NPAS2: variants seen among roughly 807,000 people sequenced by gnomAD.
The protein encoded by NPAS2 is neuronal PAS domain-containing protein 2.
A neutral mutation model predicts 107.5 loss-of-function variants in NPAS2; 23 were observed. The observed-to-expected ratio is 0.21, with a 90% CI of 0.15 to 0.30. NPAS2 has a LOEUF of 0.30. NPAS2 is among the 10% of genes least tolerant of loss of function. The pLI, the probability that NPAS2 is intolerant of heterozygous loss-of-function variation, is 1.00. For synonymous variants in NPAS2, 403 were observed against 417.5 expected (o/e 0.97, Z 0.42); for missense variants, 756 against 1,043.3 (o/e 0.72, Z 3.79).
chr2:100,828,324 G>A (rs773019537), intron 1 of NPAS2, among the ~76,000 whole-genome samples: 5 of 152,064 alleles, frequency 3.3e-5, no homozygotes, highest in Non-Finnish European at 5.9e-5. Context: ...TGAATGAATA[G>A]TTTGTAAATA....
At chr2:100,906,936 A>G (rs1305095607) in intron 2 of NPAS2, among the ~76,000 whole-genome samples, 1 of 152,226 alleles carries the variant, frequency 6.6e-6, no homozygotes, top group Non-Finnish European at 1.5e-5. Flanking sequence ...GAACTTCAAT[A>G]CAGACTTCTT....
At chr2:100,868,298 C>T (rs1679371993) in intron 1 of NPAS2, among the ~76,000 whole-genome samples, 2 of 152,298 alleles carry the variant, frequency 1.3e-5, no homozygotes, top group Non-Finnish European at 2.9e-5. Flanking sequence ...TCTCTCAGCA[C>T]ATTGAAGGGA....
intron 1 of NPAS2, among the ~76,000 whole-genome samples, chr2:100,888,980 C>G (rs1420736840): frequency 6.6e-6 from 1 of 152,198 alleles, no homozygotes; most frequent in Non-Finnish European, 1.5e-5. Context: ...CTTCTCTTTT[C>G]TCTTGCAGTT....
At position 100,965,450 on chromosome 2, in the gene NPAS2, A is replaced by G. The variant is rs766141192; in HGVS notation, c.801-210A>G. 7.2e-6 allele frequency among the ~76,000 whole-genome samples: 1 copy of G among 138,074 alleles called. No homozygotes were observed. The highest frequency in any genetic ancestry group is 1.5e-5 in the Non-Finnish European group (1 of 65,530). The allele number at this position is 138,074 out of a possible 152,430, so 90.6% of individuals were successfully genotyped here. A position where few individuals can be genotyped will look rare whatever the true frequency, so the allele number is the denominator to read the frequency against. ...TTGTTATTTGGGCCAAGTTATGCCA[A>G]GGGAAAGGAGTATCTATATGCCAAA... is the stretch of plus-strand genomic sequence containing the variant. On this transcript the variant is annotated intron_variant, in intron 9 of 20. Transcript: ENST00000335681. This position sits in a 1 kb window ranked among gnomAD's most constrained non-coding sequence, Gnocchi z 4.3.
At chr2:100,939,316 C>T (rs1674434835) in intron 5 of NPAS2, among the ~76,000 whole-genome samples, 1 of 152,186 alleles carries the variant, frequency 6.6e-6, no homozygotes, top group Non-Finnish European at 1.5e-5. Flanking sequence ...ATCTGTCTCC[C>T]CTTTGTGTTC....
intron 4 of NPAS2, chr2:100,935,162 A>T: frequency 1.1e-6 from 1 of 922,118 alleles, no homozygotes; most frequent in Non-Finnish European, 1.3e-6. Flanking sequence ...GACTGTGGCT[A>T]CCAGCATTGG....
intron 12 of NPAS2, among the ~76,000 whole-genome samples, chr2:100,973,139 A>C (rs1676709689): frequency 6.6e-6 from 1 of 151,922 alleles, no homozygotes; most frequent in African/African-American, 2.4e-5. Context: ...AGATTGCGCC[A>C]TTGCACTCCA....
At chr2:100,929,848 G>A (rs906523575) in intron 3 of NPAS2, among the ~76,000 whole-genome samples, 1 of 152,164 alleles carries the variant, frequency 6.6e-6, no homozygotes, top group Admixed American at 6.5e-5. Context: ...GCTAAAGGGA[G>A]ATCACATGAT....
At chr2:100,959,416 G>A (rs1044367193) in intron 7 of NPAS2, among the ~76,000 whole-genome samples, 1 of 152,210 alleles carries the variant, frequency 6.6e-6, no homozygotes. Context: ...GGTAGGCAGT[G>A]CCCCTGCCAA....
intron 5 of NPAS2, among the ~76,000 whole-genome samples, chr2:100,941,970 T>C (rs1674601302): frequency 6.6e-6 from 1 of 152,172 alleles, no homozygotes; most frequent in African/African-American, 2.4e-5. Context: ...ACATTTGCCA[T>C]GTGCCTAAGT....
intron 2 of NPAS2, among the ~76,000 whole-genome samples, chr2:100,910,852 T>C (rs983420517): frequency 5.9e-5 from 9 of 152,126 alleles, no homozygotes; most frequent in Non-Finnish European, 1.3e-4. Flanking sequence ...TACACCAAAC[T>C]TCTTGAGACT....
At chr2:100,936,979 C>CA (rs34968729) in intron 4 of NPAS2, among the ~76,000 whole-genome samples, 13,461 of 73,946 alleles carry the variant, frequency 0.18, 1,259 homozygotes, top group East Asian at 0.36. Context: ...GACTCCATCT[C>CA]AAAAAAAAAA....
chr2:100,859,999 TCAAAA>T (rs1678835868), intron 1 of NPAS2, among the ~76,000 whole-genome samples: 1 of 152,192 alleles, frequency 6.6e-6, no homozygotes, highest in Admixed American at 6.5e-5. Flanking sequence ...GATTCAGTCA[TCAAAA>T]GAAGGCAATT....
At chr2:100,933,103 C>A in intron 4 of NPAS2, 102 bp downstream of exon 4, 1 of 828,738 alleles carries the variant, frequency 1.2e-6, no homozygotes, top group African/African-American at 1.7e-5. Context: ...GTTCTTGATC[C>A]TGGGAAGACT....
intron 2 of NPAS2, among the ~76,000 whole-genome samples, chr2:100,905,541 G>T (rs987576441): frequency 1.3e-5 from 2 of 152,064 alleles, no homozygotes; most frequent in African/African-American, 4.8e-5. Flanking sequence ...AAAAAAACGT[G>T]AGCAGGAAGC....
At chr2:100,931,185 G>A (rs933197869) in intron 3 of NPAS2, among the ~76,000 whole-genome samples, 2 of 152,212 alleles carry the variant, frequency 1.3e-5, no homozygotes, top group Middle Eastern at 3.4e-3. Context: ...CCCACAGCGC[G>A]GCCCTCCCTC....
At chr2:100,883,739 C>T (rs56276198) in intron 1 of NPAS2, among the ~76,000 whole-genome samples, 4,710 of 152,164 alleles carry the variant, frequency 0.031, 149 homozygotes, top group African/African-American at 0.075. Context: ...GTTATAAAAC[C>T]TCATATTTAT....
intron 1 of NPAS2, among the ~76,000 whole-genome samples, chr2:100,874,289 A>G (rs1025283575): frequency 6.6e-6 from 1 of 152,178 alleles, no homozygotes; most frequent in Non-Finnish European, 1.5e-5. Context: ...AGTAGAGGAA[A>G]GTAATGGAGT....
At chr2:100,835,110 G>A (rs577472119) in intron 1 of NPAS2, among the ~76,000 whole-genome samples, 19 of 152,262 alleles carry the variant, frequency 1.2e-4, no homozygotes, top group Admixed American at 2.6e-4. Context: ...GACAGTCATC[G>A]TTACAGACAC....
Sources: gnomAD v4.1 joint callset for allele counts (sites outside exome capture counted in the v4.1 genomes callset) on GRCh38, gnomAD v4.1.1 for gene constraint, Gnocchi (gnomAD v3.1) non-coding constraint, MANE v1.5 for transcripts, NCBI Gene and HGNC (gene_info 2026-07-23, HGNC 2026-07-21) for gene names.